Variants in PLEKHA7 observed in about 807,000 individuals in gnomAD.
PLEKHA7 encodes pleckstrin homology domain containing A7.
PLEKHA7 carries 104 observed loss-of-function variants against 170.0 expected under a neutral mutation model. The observed-to-expected ratio is 0.61, with a 90% CI of 0.52 to 0.72. PLEKHA7 has a LOEUF of 0.72. PLEKHA7 is among the 30% of genes least tolerant of loss of function. The pLI is 0.00. For missense variants in PLEKHA7, 1,615 were observed against 1,671.7 expected, an observed-to-expected ratio of 0.97 and a Z score of 0.59; for synonymous variants, 648 against 660.8, an observed-to-expected ratio of 0.98 and a Z score of 0.30.
intron 3 of PLEKHA7, among the ~76,000 whole-genome samples, chr11:16,930,390 G>A: frequency 6.6e-6 from 1 of 152,122 alleles, no homozygotes. Context: ...AGATTACAAT[G>A]AGCTATGATT....
intron 3 of PLEKHA7, among the ~76,000 whole-genome samples, chr11:16,969,544 G>C (rs929791012): frequency 6.6e-6 from 1 of 152,078 alleles, no homozygotes; most frequent in African/African-American, 2.4e-5. Flanking sequence ...GACATGCATT[G>C]CTCATATGCA....
chr11:16,823,331 T>C (rs1177401259), intron 10 of PLEKHA7, among the ~76,000 whole-genome samples: 1 of 152,164 alleles, frequency 6.6e-6, no homozygotes, highest in African/African-American at 2.4e-5. Context: ...TAAAACATAC[T>C]GATACCTTGA....
chr11:16,916,635 A>G (rs921302106), intron 3 of PLEKHA7, among the ~76,000 whole-genome samples: 1 of 152,196 alleles, frequency 6.6e-6, no homozygotes, highest in Non-Finnish European at 1.5e-5. Context: ...TTTTCAACCT[A>G]TCTCCCCAAT....
intron 23 of PLEKHA7, chr11:16,787,751 G>T (rs1034640068): frequency 1.3e-5 from 2 of 152,132 alleles, no homozygotes; most frequent in Non-Finnish European, 2.9e-5. Context: ...TTCAAGTTAC[G>T]ATTTTTAGAT....
intron 4 of PLEKHA7, among the ~76,000 whole-genome samples, chr11:16,868,723 A>G (rs1277193237): frequency 6.6e-6 from 1 of 152,248 alleles, no homozygotes; most frequent in Non-Finnish European, 1.5e-5. Flanking sequence ...CATGACATCC[A>G]GGAGATGGGA....
Position 16,790,868 on chromosome 11 carries a change from G to A in PLEKHA7, c.2982C>T (p.Ser994=), listed in dbSNP as rs374124459. The A allele has an allele frequency of 2.6e-5, 42 of 1,611,360 alleles. No homozygotes were observed. In the East Asian group the frequency reaches 3.8e-4, roughly 15 times the overall value. The stretch of plus-strand genomic sequence containing the variant: ...CTAGGGAGGGCTGGGCCATGTCCCC[G>A]CTGAGGGTCGCCAGCTCAGGCTCAC... ...YVSEPELATL[S]GDMAQPSLGL... is the part of the protein sequence containing the mutation. Residue 994 remains serine (S), a synonymous_variant, in exon 21 of 27, where the codon AGC becomes AGT. Transcript: ENST00000531066.
chr11:16,932,113 G>C (rs547169278), intron 3 of PLEKHA7, among the ~76,000 whole-genome samples: 1 of 152,150 alleles, frequency 6.6e-6, no homozygotes, highest in East Asian at 1.9e-4. Flanking sequence ...CCAGCTGGGG[G>C]ACCCTGGATA....
At chr11:16,932,461 T>C (rs923180748) in intron 3 of PLEKHA7, among the ~76,000 whole-genome samples, 2 of 152,090 alleles carry the variant, frequency 1.3e-5, no homozygotes, top group African/African-American at 2.4e-5. Flanking sequence ...TTTCAATTTT[T>C]TTTGGTAGAG....
chr11:16,887,992 C>T (rs1336939685), intron 3 of PLEKHA7, among the ~76,000 whole-genome samples: 1 of 150,774 alleles, frequency 6.6e-6, no homozygotes, highest in South Asian at 2.1e-4. Context: ...GTGGGGAGCA[C>T]CTCTGCCCCG....
At chr11:16,882,286 T>C (rs190726378) in intron 3 of PLEKHA7, among the ~76,000 whole-genome samples, 27 of 152,310 alleles carry the variant, frequency 1.8e-4, no homozygotes, top group African/African-American at 6.0e-4. Context: ...CTCCTAATAC[T>C]ACCTGTAGTG....
chr11:16,957,861 G>A (rs578036623), intron 3 of PLEKHA7, among the ~76,000 whole-genome samples: 1 of 151,642 alleles, frequency 6.6e-6, no homozygotes, highest in South Asian at 2.1e-4. Flanking sequence ...GCACCACCAC[G>A]CCCGGCTAAT....
chr11:16,821,634 T>C (rs1454836006), intron 10 of PLEKHA7, among the ~76,000 whole-genome samples: 1 of 152,212 alleles, frequency 6.6e-6, no homozygotes, highest in Non-Finnish European at 1.5e-5. Flanking sequence ...ATCTCATATA[T>C]TTTCAAATGG....
intron 5 of PLEKHA7, among the ~76,000 whole-genome samples, chr11:16,855,276 T>C (rs1162721803): frequency 1.3e-5 from 2 of 152,218 alleles, no homozygotes; most frequent in African/African-American, 2.4e-5. Flanking sequence ...GGCTGTAATA[T>C]GTTCCATGGC....
intron 3 of PLEKHA7, among the ~76,000 whole-genome samples, chr11:16,981,877 G>A (rs1863450761): frequency 6.6e-6 from 1 of 152,180 alleles, no homozygotes; most frequent in Non-Finnish European, 1.5e-5. Context: ...TCGTCATGGA[G>A]CCGGAATGCA....
intron 6 of PLEKHA7, among the ~76,000 whole-genome samples, chr11:16,853,057 CTT>C (rs982626519): frequency 6.6e-5 from 10 of 152,150 alleles, no homozygotes; most frequent in African/African-American, 2.4e-4. Flanking sequence ...CCCAGAGCAT[CTT>C]TTAGTTTTAG....
chr11:16,978,492 T>A (rs1211396519), intron 3 of PLEKHA7, among the ~76,000 whole-genome samples: 2 of 152,190 alleles, frequency 1.3e-5, no homozygotes, highest in Non-Finnish European at 2.9e-5. Context: ...AATGGCAAAG[T>A]GGTAGCAGGC....
At chr11:16,993,450 G>T (rs763312347) in intron 3 of PLEKHA7, among the ~76,000 whole-genome samples, 35 of 152,102 alleles carry the variant, frequency 2.3e-4, no homozygotes, top group Non-Finnish European at 3.5e-4. Context: ...CATTCACAGA[G>T]ATCCCAGCTC....
At chr11:17,008,343 G>A (rs912433557) in intron 3 of PLEKHA7, among the ~76,000 whole-genome samples, 2 of 152,328 alleles carry the variant, frequency 1.3e-5, no homozygotes, top group South Asian at 2.1e-4. Context: ...AGGTATCCCA[G>A]TCCCAGATGC....
intron 3 of PLEKHA7, among the ~76,000 whole-genome samples, chr11:16,989,291 C>T (rs761165297): frequency 6.6e-6 from 1 of 152,198 alleles, no homozygotes; most frequent in Non-Finnish European, 1.5e-5. Flanking sequence ...GGACTAGAAT[C>T]CTGGTCCTGT....
Sources: allele counts gnomAD v4.1 joint callset (sites outside exome capture counted in the v4.1 genomes callset), GRCh38; gene constraint gnomAD v4.1.1; transcripts MANE v1.5; gene names NCBI Gene and HGNC (gene_info 2026-07-23, HGNC 2026-07-21).